Variants in TTC3 observed in about 807,000 individuals in gnomAD.
TTC3 encodes the protein tetratricopeptide repeat domain 3, also known as E3 ubiquitin-protein ligase TTC3.
In TTC3, 180 loss-of-function variants were observed where a neutral mutation model predicts 249.6. The observed-to-expected ratio is 0.72, with a 90% confidence interval of 0.64 to 0.82. The LOEUF (loss-of-function observed/expected upper bound fraction) is 0.82. Among genes scored for constraint, TTC3 ranks in the 40% least tolerant of loss-of-function variants. TTC3 has a pLI of 0.00. For missense variants in TTC3, 2,061 were observed against 2,398.4 expected (o/e 0.86, Z 2.94); for synonymous variants, 717 against 805.0 (o/e 0.89, Z 1.85).
At chr21:37,138,458 A>G (rs2078153634) in intron 18 of TTC3, among the ~76,000 whole-genome samples, 176 bp from the exon 19 acceptor site, 1 of 152,234 alleles carries the variant, frequency 6.6e-6, no homozygotes, top group Admixed American at 6.5e-5. Flanking sequence ...TATTGGAACA[A>G]AAATCTCTTT....
At chr21:37,190,605 A>C (rs775574917) in intron 39 of TTC3, among the ~76,000 whole-genome samples, 2 of 152,214 alleles carry the variant, frequency 1.3e-5, no homozygotes, top group Non-Finnish European at 2.9e-5. Flanking sequence ...CTGGGAAACA[A>C]AGATAATCTC....
At chr21:37,098,698 T>C (rs2074187668) in intron 10 of TTC3, 1 of 152,224 alleles carries the variant, frequency 6.6e-6, no homozygotes, top group Admixed American at 6.5e-5. Flanking sequence ...ATTGTCTATA[T>C]GATTTGCTCA....
intron 11 of TTC3, among the ~76,000 whole-genome samples, chr21:37,116,328 AAG>A (rs2076140177): frequency 1.3e-5 from 2 of 152,210 alleles, no homozygotes; most frequent in Non-Finnish European, 2.9e-5. Context: ...TCTGGGCAGT[AAG>A]AGAGGGAAAG....
At chr21:37,145,035 G>A (rs2078864967) in intron 21 of TTC3, among the ~76,000 whole-genome samples, 1 of 152,192 alleles carries the variant, frequency 6.6e-6, no homozygotes. Flanking sequence ...GCTGGACTTG[G>A]TTGTACTTAG....
At chr21:37,154,544 C>T (rs1023974642) in intron 27 of TTC3, among the ~76,000 whole-genome samples, 1 of 152,174 alleles carries the variant, frequency 6.6e-6, no homozygotes, top group Non-Finnish European at 1.5e-5. Context: ...AGGAGATACT[C>T]AGGACTGGAG....
chr21:37,076,784 C>T lies in TTC3; in HGVS notation c.-12+3420C>T, dbSNP rs544211449. On this transcript the variant is annotated intron_variant, in intron 1 of 45. Transcript: ENST00000355666. ...ATGGCACGATCTCGGCTCACTGCAACCTCTGCCTCCCAAGTTCAAGTGATT... is the reference window on the plus strand; with the variant it reads ...ATGGCACGATCTCGGCTCACTGCAATCTCTGCCTCCCAAGTTCAAGTGATT... 3.4e-5 allele frequency among the ~76,000 whole-genome samples: 5 copies of T among 145,898 alleles called. No individual in the cohort carries two copies. The East Asian group carries it at 1.0e-3, about 30-fold the overall frequency.
At position 37,195,973 on chromosome 21, in the gene TTC3, C is replaced by T. The variant is rs776483378; in HGVS notation, c.5516C>T (p.Ser1839Phe). 5 of 1,614,060 alleles carry T rather than the reference C, an allele frequency of 3.1e-6. No homozygotes were observed. The Admixed American group carries it at 5.0e-5, about 16-fold the overall frequency. The change falls in exon 42 of 46, where the codon TCT (serine) becomes TTT (phenylalanine). Residue 1839 changes from serine (S) to phenylalanine (F), a missense_variant. By Grantham distance (155) the Ser-to-Phe change is radical. Around this residue, in one of 3 missense-constraint regions of TTC3, gnomAD observed 1,040 missense variants for 1,186.1 expected, o/e 0.88. Transcript: ENST00000355666. ...GGACGTGCTGCGCGTTCAAGCCAGT[C>T]TCCAAAAAAGCCGTTCAATAGTATT...
At chr21:37,079,778 C>T (rs2071387051) in intron 1 of TTC3, among the ~76,000 whole-genome samples, 1 of 151,988 alleles carries the variant, frequency 6.6e-6, no homozygotes, top group African/African-American at 2.4e-5. Flanking sequence ...AAGTGGTCTG[C>T]CCACCTCGGC....
chr21:37,156,995 A>G (rs1334562543), intron 28 of TTC3, 89 bp downstream of exon 28: 1 of 1,474,162 alleles, frequency 6.8e-7, no homozygotes, highest in African/African-American at 1.4e-5. Flanking sequence ...ATATATAACA[A>G]AGAAAATAGT....
At chr21:37,107,278 A>G (rs2075176142) in intron 10 of TTC3, among the ~76,000 whole-genome samples, 1 of 152,222 alleles carries the variant, frequency 6.6e-6, no homozygotes, top group South Asian at 2.1e-4. Context: ...CTGAGGAGAT[A>G]GGAACAATTG....
intron 37 of TTC3, among the ~76,000 whole-genome samples, chr21:37,186,542 G>C (rs1045780959): frequency 2.0e-5 from 3 of 152,182 alleles, no homozygotes; most frequent in South Asian, 2.1e-4. Flanking sequence ...CCCAGCTCAA[G>C]CAATTCTCTC....
chr21:37,082,755 A>G, intron 1 of TTC3: 1 of 985,176 alleles, frequency 1.0e-6, no homozygotes, highest in Non-Finnish European at 1.2e-6. Flanking sequence ...TCCTCCCAAC[A>G]GTACATTCCC....
chr21:37,088,703 AT>A, intron 4 of TTC3, 95 bp from the exon 5 acceptor site: 2 of 1,151,900 alleles, frequency 1.7e-6, no homozygotes, highest in Non-Finnish European at 2.4e-6. Context: ...AAGAGAACTT[AT>A]TTTTTAATGG....
intron 39 of TTC3, among the ~76,000 whole-genome samples, chr21:37,188,949 G>T (rs1004394499): frequency 6.6e-6 from 1 of 152,176 alleles, no homozygotes; most frequent in African/African-American, 2.4e-5. Context: ...ATAGAAACAT[G>T]TCATGATTTA....
At chr21:37,190,493 A>G (rs1355215080) in intron 39 of TTC3, among the ~76,000 whole-genome samples, 2 of 152,148 alleles carry the variant, frequency 1.3e-5, no homozygotes, top group African/African-American at 4.8e-5. Flanking sequence ...ATTAAAAGTA[A>G]AATGCTGATT....
chr21:37,116,330 G>A (rs967434776), intron 11 of TTC3, among the ~76,000 whole-genome samples: 8 of 152,174 alleles, frequency 5.3e-5, no homozygotes, highest in Admixed American at 3.3e-4. Flanking sequence ...TGGGCAGTAA[G>A]AGAGGGAAAG....
chr21:37,163,759 T>C (rs182115503), intron 31 of TTC3, among the ~76,000 whole-genome samples: 20 of 152,382 alleles, frequency 1.3e-4, no homozygotes, highest in Admixed American at 3.9e-4. Context: ...TAACAAGTTA[T>C]AATTAATGCA....
Position 37,150,708 on chromosome 21 carries a change from C to T in TTC3, c.2212-112C>T. ...TCTGGGTCAGAACATCATCACTGTT[C>T]TCTATCAAACTGAACATTATGTGTG... On this transcript the variant is annotated intron_variant, in intron 24 of 45. Coordinates refer to ENST00000355666, the Ensembl canonical transcript of TTC3. 3 of 742,726 alleles carry T rather than the reference C, an allele frequency of 4.0e-6. No individual in the cohort carries two copies. In the South Asian group the frequency reaches 4.8e-5, roughly 12 times the overall value. 46.0% of individuals were successfully genotyped at this position (742,726 alleles called of 1,614,324 possible). A position where few individuals can be genotyped will look rare whatever the true frequency, so the allele number is the denominator to read the frequency against.
chr21:37,195,545 G>A (rs2084787971), intron 41 of TTC3, 130 bp from the exon 42 acceptor site: 1 of 1,231,286 alleles, frequency 8.1e-7, no homozygotes, highest in Non-Finnish European at 1.1e-6. Context: ...TTTAATTCAT[G>A]GTATTCAGGT....
Sources: allele counts gnomAD v4.1 joint callset (sites outside exome capture counted in the v4.1 genomes callset), GRCh38; gene constraint gnomAD v4.1.1; regional missense constraint gnomAD v4.1.1; transcripts MANE v1.5; gene names NCBI Gene and HGNC (gene_info 2026-07-23, HGNC 2026-07-21).